ENPP7: variants seen among roughly 807,000 people sequenced by gnomAD.
ENPP7 encodes the protein ectonucleotide pyrophosphatase/phosphodiesterase family member 7.
ENPP7 carries 39 observed loss-of-function variants against 33.6 expected under a neutral mutation model. That is an observed-to-expected ratio of 1.16 (90% CI 0.90 to 1.52). The LOEUF (loss-of-function observed/expected upper bound fraction) is 1.52, where lower values mean the gene tolerates loss of function less well. ENPP7 is among the 40% of genes most tolerant of loss of function. The probability of loss-of-function intolerance (pLI) is 0.00; values close to 1 mark genes in which losing one functional copy is unlikely to be tolerated. For synonymous variants in ENPP7, 244 were observed against 274.3 expected, an observed-to-expected ratio of 0.89 and a Z score of 1.09; for missense variants, 594 against 641.0, an observed-to-expected ratio of 0.93 and a Z score of 0.79.
chr17:79,730,979 C>T lies in ENPP7; in HGVS notation c.-161C>T, dbSNP rs1183359345. The T allele has an allele frequency of 2.8e-6, 2 of 723,272 alleles. No homozygotes were observed. Among genetic ancestry groups the T allele is most frequent in the East Asian group, 2.8e-5 (1 of 36,196 alleles). The allele number at this position is 723,272 out of a possible 1,614,324, so 44.8% of individuals were successfully genotyped here. A position where few individuals can be genotyped will look rare whatever the true frequency, so the allele number is the denominator to read the frequency against. On this transcript the variant is annotated 5_prime_UTR_variant, in exon 1 of 6. In the 5' UTR this introduces an upstream ATG that the reference lacks. Coordinates refer to ENST00000328313, the MANE Select transcript of ENPP7 (RefSeq NM_178543.5). ...GCTGGGACCAGGGGTGGCACTGACA[C>T]GGCTGGGGAGCCCACTCCCGAGGTT...
chr17:79,738,292 C>A lies in ENPP7; in HGVS notation c.*16+230C>A. On this transcript the variant is annotated intron_variant, in intron 5 of 5. Transcript: ENST00000328313. The surrounding 1 kb of genome is among the most constrained non-coding windows in gnomAD (Gnocchi z 6.2). Reference sequence around the variant, plus strand: ...TGGAGGAGGTCTTTCCAGAGCAGACCACCCGGACCAGTGGCCAGAATTCCC... The same window carrying A: ...TGGAGGAGGTCTTTCCAGAGCAGACAACCCGGACCAGTGGCCAGAATTCCC... The A allele has an allele frequency of 2.1e-6, 1 of 478,504 alleles. No individual in the cohort carries two copies. The highest frequency in any genetic ancestry group is 3.8e-6 in the Non-Finnish European group (1 of 263,850). The allele number at this position is 478,504 out of a possible 1,614,324, so 29.6% of individuals were successfully genotyped here.
At chr17:79,732,151 C>CATATATATATGTATAT (rs2094287721) in intron 1 of ENPP7, among the ~76,000 whole-genome samples, 1 of 25,880 alleles carries the variant, frequency 3.9e-5, no homozygotes, top group East Asian at 8.3e-4. Flanking sequence ...TATATATATA[C>CATATATATATGTATAT]ACACACATAT....
At chr17:79,733,955 A>G (rs1368916042) in intron 2 of ENPP7, among the ~76,000 whole-genome samples, 3 of 152,160 alleles carry the variant, frequency 2.0e-5, no homozygotes, top group African/African-American at 4.8e-5. Flanking sequence ...CGGAGGGAGA[A>G]CTGCACCCTT....
Position 79,741,810 on chromosome 17 carries a change from G to T in ENPP7, c.*33G>T. 1.0e-6 allele frequency: 1 copy of T among 986,058 alleles called. No homozygotes were observed. Among genetic ancestry groups the T allele is most frequent in the Non-Finnish European group, 1.2e-6 (1 of 830,476 alleles). The allele number at this position is 986,058 out of a possible 1,614,324, so 61.1% of individuals were successfully genotyped here. A position where few individuals can be genotyped will look rare whatever the true frequency, so the allele number is the denominator to read the frequency against. ...CTCTTCCAGGAAGCCGCCGGGAGCTGCCCGCAGGCCCTGGGCCGGCTGTCT... is the reference window on the plus strand; with the variant it reads ...CTCTTCCAGGAAGCCGCCGGGAGCTTCCCGCAGGCCCTGGGCCGGCTGTCT... On this transcript the variant is annotated 3_prime_UTR_variant, in exon 6 of 6. Transcript: ENST00000328313.
At chr17:79,736,090 A>G (rs2145793519) in intron 3 of ENPP7, among the ~76,000 whole-genome samples, 2 of 152,308 alleles carry the variant, frequency 1.3e-5, no homozygotes, top group South Asian at 2.1e-4. Context: ...TTTTTAGTGG[A>G]GACAGAGTTT....
Position 79,731,359 on chromosome 17 carries a change from A to G in ENPP7, c.220A>G (p.Met74Val). ...CTACATGACCCCCGCCTTTGTCACCATGACCAGCCCCTGCCACTTCACCCT... is the reference window on the plus strand; with the variant it reads ...CTACATGACCCCCGCCTTTGTCACCGTGACCAGCCCCTGCCACTTCACCCT... ...ARYMTPAFVT[M>V]TSPCHFTLVT... Residue 74 changes from methionine to valine, a missense_variant, in exon 1 of 6, where the codon ATG becomes GTG. By Grantham distance (21) the Met-to-Val change is conservative. Transcript: ENST00000328313. 1 of 1,612,716 alleles carries G rather than the reference A, an allele frequency of 6.2e-7. No individual in the cohort carries two copies. Among genetic ancestry groups the G allele is most frequent in the Non-Finnish European group, 8.5e-7 (1 of 1,179,536 alleles).
In ENPP7 at chr17:79,737,424, C is replaced by T. The variant is rs919004512; in HGVS notation, c.1246+164C>T. Among the ~76,000 whole-genome samples the T allele has an allele frequency of 5.9e-5, 9 of 152,228 alleles. No individual in the cohort carries two copies. Among genetic ancestry groups the T allele is most frequent in the African/African-American group, 2.2e-4 (9 of 41,464 alleles). ...CTCTCACATTCCCACAACACGTGAC[C>T]TCTCACGAGCACCTCATGCATCTCG... On this transcript the variant is annotated intron_variant, in intron 4 of 5. Transcript: ENST00000328313. The surrounding 1 kb of genome is among the most constrained non-coding windows in gnomAD (Gnocchi z 5.5).
At position 79,742,008 on chromosome 17, in the gene ENPP7, C is replaced by CCCCCTGCCCCTG; in HGVS notation, c.*239_*250dup. On this transcript the variant is annotated 3_prime_UTR_variant, in exon 6 of 6. Coordinates refer to ENST00000328313, the MANE Select transcript of ENPP7 (RefSeq NM_178543.5). ...CCCGGCGAGCCGGTCCCATAACCGG[C>CCCCCTGCCCCTG]CCCCTGCCCCTGCCCCTGCTCCTGC... is the stretch of plus-strand genomic sequence containing the variant. The CCCCCTGCCCCTG allele has an allele frequency of 1.1e-6, 1 of 897,710 alleles. No homozygotes were observed. Among genetic ancestry groups the CCCCCTGCCCCTG allele is most frequent in the Non-Finnish European group, 1.3e-6 (1 of 748,448 alleles). The allele number at this position is 897,710 out of a possible 1,614,324, so 55.6% of individuals were successfully genotyped here.
Position 79,735,575 on chromosome 17 carries a change from A to G in ENPP7, c.932A>G (p.Lys311Arg), listed in dbSNP as rs782051159. ...GCCCACCCCAAGCTCCACGTCTACA[A>G]GAAGGAGGCGTTCCCCGAGGCCTTC... The part of the protein sequence containing the change: ...KDAHPKLHVY[K>R]KEAFPEAFHY... Residue 311 changes from lysine (K) to arginine (R), a missense_variant, in exon 3 of 6, where the codon AAG becomes AGG. This residue lies in a region of ENPP7 where 504 missense variants were observed against 512.8 expected (regional missense o/e 0.98). Transcript: ENST00000328313. The surrounding 1 kb of genome is among the most constrained non-coding windows in gnomAD (Gnocchi z 5.5). The G allele has an allele frequency of 5.4e-5, 87 of 1,613,900 alleles. No individual in the cohort carries two copies. The African/African-American group carries it at 7.1e-4, about 13-fold the overall frequency.
At position 79,730,947 on chromosome 17, in the gene ENPP7, A is replaced by G. The variant is rs1381687436; in HGVS notation, c.-193A>G. The G allele has an allele frequency of 3.3e-6, 2 of 609,146 alleles. No individual in the cohort carries two copies. Among genetic ancestry groups the G allele is most frequent in the East Asian group, 5.7e-5 (2 of 34,974 alleles). 37.7% of individuals were successfully genotyped at this position (609,146 alleles called of 1,614,324 possible). ...TGCTCAAGTTGATGCCACCCCACGC[A>G]CGTGAGGCTGGGACCAGGGGTGGCA... is the stretch of plus-strand genomic sequence containing the variant. On this transcript the variant is annotated 5_prime_UTR_variant, in exon 1 of 6. Coordinates refer to ENST00000328313, the MANE Select transcript of ENPP7 (RefSeq NM_178543.5).
rs782308634 is a variant in ENPP7, at chr17:79,737,093, T to C, written c.1079T>C (p.Met360Thr). ...NGEHGFDNKD[M>T]DMKTIFRAVG... ...GAGCACGGCTTTGACAACAAGGACA[T>C]GGACATGAAGACCATCTTCCGCGCT... The change falls in exon 4 of 6, where the codon ATG becomes ACG. Residue 360 changes from methionine (M) to threonine (T), a missense_variant. Physicochemically the swap from Met to Thr is moderately conservative, Grantham distance 81. Transcript: ENST00000328313. The surrounding 1 kb of genome is among the most constrained non-coding windows in gnomAD (Gnocchi z 5.5). 4 of 1,614,028 alleles carry C rather than the reference T, an allele frequency of 2.5e-6. No individual in the cohort carries two copies. The highest frequency in any genetic ancestry group is 1.1e-5 in the South Asian group (1 of 91,086).
Position 79,738,150 on chromosome 17 carries a change from C to T in ENPP7, c.*16+88C>T. On this transcript the variant is annotated intron_variant, in intron 5 of 5. Coordinates refer to ENST00000328313, the MANE Select transcript of ENPP7 (RefSeq NM_178543.5). This position sits in a 1 kb window ranked among gnomAD's most constrained non-coding sequence, Gnocchi z 6.2. Reference sequence around the variant, plus strand: ...TGTCCCAGCTACAGTCCTAGGCAACCAGAACAGAGCTGCCAGGCCCCGCCA... The same window carrying T: ...TGTCCCAGCTACAGTCCTAGGCAACTAGAACAGAGCTGCCAGGCCCCGCCA... 1 of 1,388,644 alleles carries T rather than the reference C, an allele frequency of 7.2e-7. No homozygotes were observed. Among genetic ancestry groups the T allele is most frequent in the African/African-American group, 1.4e-5 (1 of 70,630 alleles). 86.0% of individuals were successfully genotyped at this position (1,388,644 alleles called of 1,614,324 possible).
chr17:79,733,964 T>C (rs782075617), intron 2 of ENPP7, among the ~76,000 whole-genome samples: 7 of 152,170 alleles, frequency 4.6e-5, no homozygotes, highest in East Asian at 1.9e-4. Flanking sequence ...AACTGCACCC[T>C]TGGGCCCTGC....
intron 1 of ENPP7, among the ~76,000 whole-genome samples, chr17:79,732,519 C>T (rs2094288438): frequency 6.6e-6 from 1 of 152,114 alleles, no homozygotes; most frequent in African/African-American, 2.4e-5. Flanking sequence ...CATTGCAGGG[C>T]TGCACCCACC....
rs1255965564 is a variant in ENPP7 at position 79,732,097 on chromosome 17, AATATATATATAC to A, written c.253+728_253+739del. 9.0e-4 allele frequency among the ~76,000 whole-genome samples: 54 copies of A among 59,706 alleles called. 1 individual carries two copies. The South Asian group carries it at 0.015, about 17-fold the overall frequency. 39.2% of individuals were successfully genotyped at this position (59,706 alleles called of 152,430 possible). A position where few individuals can be genotyped will look rare whatever the true frequency, so the allele number is the denominator to read the frequency against. ...TGGGTGACAAAGCAAGACTGCATAT[AATATATATATAC>A]ATATATATATACATATATATATGTA... On this transcript the variant is annotated intron_variant, in intron 1 of 5. Coordinates refer to ENST00000328313, the MANE Select transcript of ENPP7 (RefSeq NM_178543.5).
Position 79,737,590 on chromosome 17 carries a change from G to A in ENPP7, c.1247-326G>A, listed in dbSNP as rs1156735063. Among the ~76,000 whole-genome samples the A allele has an allele frequency of 2.0e-5, 3 of 152,082 alleles. No individual in the cohort carries two copies. Among genetic ancestry groups the A allele is most frequent in the Admixed American group, 1.3e-4 (2 of 15,270 alleles). ...TCCCCACTCCCCACTCCCCACCACAGCAACCTGAGGGCCTCCTTTCTGGAA... is the reference window on the plus strand; with the variant it reads ...TCCCCACTCCCCACTCCCCACCACAACAACCTGAGGGCCTCCTTTCTGGAA... On this transcript the variant is annotated intron_variant, in intron 4 of 5. Transcript: ENST00000328313. This position sits in a 1 kb window ranked among gnomAD's most constrained non-coding sequence, Gnocchi z 5.5.
At chr17:79,740,826 C>A (rs1290741125) in intron 5 of ENPP7, among the ~76,000 whole-genome samples, 1 of 152,094 alleles carries the variant, frequency 6.6e-6, no homozygotes. Flanking sequence ...GTGAGGTCAC[C>A]GAACACAAAG....
chr17:79,740,577 A>T (rs1166200249), intron 5 of ENPP7, among the ~76,000 whole-genome samples: 1 of 152,196 alleles, frequency 6.6e-6, no homozygotes, highest in Non-Finnish European at 1.5e-5. Flanking sequence ...CTCCACATTA[A>T]CCAAGAGAGG....
rs375957449 is a variant in ENPP7, at chr17:79,735,422, T to C, written c.779T>C (p.Val260Ala). ...TTVDKRAGDL[V>A]EFHKFPNFTF... is the part of the protein sequence containing the mutation. The stretch of plus-strand genomic sequence containing the variant: ...GTGGACAAACGGGCTGGCGACCTGG[T>C]TGAATTCCACAAGTTCCCCAACTTC... The change falls in exon 3 of 6, where the codon GTT becomes GCT. Residue 260 changes from valine to alanine, a missense_variant. This residue lies in a region of ENPP7 where 504 missense variants were observed against 512.8 expected (regional missense o/e 0.98). Coordinates refer to ENST00000328313, the MANE Select transcript of ENPP7 (RefSeq NM_178543.5). This position sits in a 1 kb window ranked among gnomAD's most constrained non-coding sequence, Gnocchi z 5.5. The C allele has an allele frequency of 1.9e-5, 31 of 1,613,934 alleles. No homozygotes were observed. Among genetic ancestry groups the C allele is most frequent in the Non-Finnish European group, 2.5e-5 (29 of 1,180,038 alleles).
Sources: allele counts gnomAD v4.1 joint callset (sites outside exome capture counted in the v4.1 genomes callset), GRCh38; gene constraint gnomAD v4.1.1; regional missense constraint gnomAD v4.1.1; non-coding constraint Gnocchi (gnomAD v3.1); transcripts MANE v1.5; gene names NCBI Gene and HGNC (gene_info 2026-07-23, HGNC 2026-07-21).